SLC27A1: variants seen among roughly 807,000 people sequenced by gnomAD.
SLC27A1 encodes long-chain fatty acid transport protein 1.
Under a neutral mutation model 62.2 loss-of-function variants are expected in SLC27A1, and 61 were observed. The observed-to-expected ratio is 0.98, with a 90% CI of 0.80 to 1.21. The LOEUF (loss-of-function observed/expected upper bound fraction) is 1.21, where lower values mean the gene tolerates loss of function less well. Ranked by LOEUF, SLC27A1 falls within the 50% of genes most tolerant of loss-of-function variation. SLC27A1 has a pLI of 0.00. For missense variants in SLC27A1, 903 were observed against 932.1 expected (o/e 0.97, Z 0.41); for synonymous variants, 435 against 408.6 (o/e 1.06, Z -0.78).
rs2075461986 is a variant in SLC27A1 at position 17,504,920 on chromosome 19, T to A, written c.*308T>A. ...TCTTTCTTTTTTTTTTAAGATAGAG[T>A]CTCACTCTGCTGCCCGGGCTAGAGT... On this transcript the variant is annotated 3_prime_UTR_variant, in exon 12 of 12. Transcript: ENST00000252595. The A allele has an allele frequency of 2.0e-6, 1 of 503,790 alleles. No individual in the cohort carries two copies. Among genetic ancestry groups the A allele is most frequent in the Admixed American group, 2.3e-5 (1 of 43,250 alleles). 31.2% of individuals were successfully genotyped at this position (503,790 alleles called of 1,614,324 possible). A position where few individuals can be genotyped will look rare whatever the true frequency, so the allele number is the denominator to read the frequency against.
chr19:17,481,408 C>T (rs767336480), intron 1 of SLC27A1, among the ~76,000 whole-genome samples: 15 of 151,542 alleles, frequency 9.9e-5, no homozygotes, highest in Middle Eastern at 3.2e-3. Context: ...CCTCTGCCTC[C>T]TGGGTCCAAG....
intron 6 of SLC27A1, among the ~76,000 whole-genome samples, chr19:17,494,024 T>C (rs1255034050): frequency 1.3e-5 from 2 of 150,136 alleles, no homozygotes; most frequent in African/African-American, 4.9e-5. Context: ...CTGTTTCTTT[T>C]TTTTTTTTTT....
intron 6 of SLC27A1, chr19:17,492,442 G>A (rs1021992849): frequency 1.3e-5 from 2 of 152,018 alleles, no homozygotes. Context: ...AACATTGAGA[G>A]GCTTTTTAAG....
At chr19:17,487,358 G>A in intron 3 of SLC27A1, 23 bp downstream of exon 3, 1 of 1,592,090 alleles carries the variant, frequency 6.3e-7, no homozygotes, top group Non-Finnish European at 8.5e-7. Flanking sequence ...TGGGACCCCT[G>A]CTCTATCAAC....
intron 1 of SLC27A1, among the ~76,000 whole-genome samples, chr19:17,484,644 A>G (rs1017567877): frequency 2.7e-5 from 4 of 150,686 alleles, no homozygotes; most frequent in South Asian, 4.2e-4. Context: ...GGAAAGAGTG[A>G]GTGAAGTAGG....
chr19:17,502,073 G>T (rs2075420625), intron 11 of SLC27A1, among the ~76,000 whole-genome samples: 1 of 151,728 alleles, frequency 6.6e-6, no homozygotes, highest in Non-Finnish European at 1.5e-5. Context: ...CCGAGATCAG[G>T]CCACTGCACT....
In SLC27A1 at chr19:17,500,746, G is replaced by A. The variant is rs778978630; in HGVS notation, c.1506G>A (p.Met502Ile). The A allele has an allele frequency of 6.2e-7, 1 of 1,614,018 alleles. No individual in the cohort carries two copies. Among genetic ancestry groups the A allele is most frequent in the South Asian group, 1.1e-5 (1 of 91,086 alleles). ...DVLVMDELGY[M>I]YFRDRSGDTF... ...TAGTGATGGATGAGCTGGGCTACATGTACTTCCGGGACCGTAGCGGGGACA... is the reference window on the plus strand; with the variant it reads ...TAGTGATGGATGAGCTGGGCTACATATACTTCCGGGACCGTAGCGGGGACA... Residue 502 changes from methionine to isoleucine, a missense_variant, in exon 10 of 12, where the codon ATG becomes ATA. By Grantham distance (10) the Met-to-Ile change is conservative. Coordinates refer to ENST00000252595, the MANE Select transcript of SLC27A1 (RefSeq NM_198580.3).
Position 17,500,887 on chromosome 19 carries a change from G to T in SLC27A1, c.1636+11G>T, listed in dbSNP as rs1238407774. On this transcript the variant is annotated intron_variant, in intron 10 of 11. Coordinates refer to ENST00000252595, the MANE Select transcript of SLC27A1 (RefSeq NM_198580.3). ...GGGTGGCTGTTCCAGGCAAGCTGGG[G>T]TTGCAGGGGGTGGTCCTGAGGCATG... The T allele has an allele frequency of 6.3e-7, 1 of 1,599,964 alleles. No homozygotes were observed. The highest frequency in any genetic ancestry group is 8.5e-7 in the Non-Finnish European group (1 of 1,175,236).
At chr19:17,470,421 G>A (rs1165730214), upstream of SLC27A1, 35 of 1,214,608 alleles carry the variant, frequency 2.9e-5, no homozygotes, top group Admixed American at 2.0e-4. Flanking sequence ...CTCGCGGGGG[G>A]CGCAGAGCCG....
chr19:17,498,813 C>A, intron 7 of SLC27A1: 1 of 157,502 alleles, frequency 6.3e-6, no homozygotes, highest in Non-Finnish European at 1.4e-5. Flanking sequence ...GTCCACTGGA[C>A]AGGGGGCCCT....
intron 1 of SLC27A1, among the ~76,000 whole-genome samples, chr19:17,475,394 G>T (rs532787956): frequency 0.017 from 2,616 of 152,178 alleles, 75 homozygotes; most frequent in African/African-American, 0.061. Flanking sequence ...AAAATTAGCT[G>T]GGGGAGTGGG....
chr19:17,504,143 G>A (rs2075448524), intron 11 of SLC27A1, among the ~76,000 whole-genome samples: 1 of 152,104 alleles, frequency 6.6e-6, no homozygotes, highest in Non-Finnish European at 1.5e-5. Flanking sequence ...CCCACAGGAT[G>A]TAAGTTGCTA....
Position 17,487,273 on chromosome 19 carries a change from A to G in SLC27A1, c.662A>G (p.Asp221Gly). The G allele has an allele frequency of 6.2e-7, 1 of 1,613,800 alleles. No individual in the cohort carries two copies. The highest frequency in any genetic ancestry group is 1.7e-5 in the Admixed American group (1 of 59,968). Reference protein sequence around the residue: ...EGILPDTHLLDPLLKEASTAP... With the variant: ...EGILPDTHLLGPLLKEASTAP... ...ATCTTGCCGGACACCCACCTCCTGGACCCGCTGCTGAAGGAGGCCTCTACT... is the reference window on the plus strand; with the variant it reads ...ATCTTGCCGGACACCCACCTCCTGGGCCCGCTGCTGAAGGAGGCCTCTACT... The change falls in exon 3 of 12, where the codon GAC (aspartate) becomes GGC (glycine). Residue 221 changes from aspartate (D) to glycine (G), a missense_variant. Transcript: ENST00000252595.
intron 1 of SLC27A1, among the ~76,000 whole-genome samples, chr19:17,470,977 G>A (rs1404143304): frequency 6.7e-6 from 1 of 149,690 alleles, no homozygotes; most frequent in East Asian, 2.0e-4. Flanking sequence ...GTTGCAGGCT[G>A]CTTAGGAGAT....
intron 6 of SLC27A1, among the ~76,000 whole-genome samples, chr19:17,490,778 T>C (rs1236104075): frequency 6.6e-6 from 1 of 152,062 alleles, no homozygotes; most frequent in Non-Finnish European, 1.5e-5. Context: ...CTGTAATCCC[T>C]GTACTTCGGG....
chr19:17,491,789 G>C (rs2075296264), intron 6 of SLC27A1, among the ~76,000 whole-genome samples: 1 of 151,998 alleles, frequency 6.6e-6, no homozygotes, highest in Non-Finnish European at 1.5e-5. Flanking sequence ...TGGGAGGATT[G>C]CTTGAGCCCA....
chr19:17,492,122 T>A (rs2075300000), intron 6 of SLC27A1, among the ~76,000 whole-genome samples: 1 of 152,140 alleles, frequency 6.6e-6, no homozygotes, highest in Non-Finnish European at 1.5e-5. Flanking sequence ...AGCAGTCCCC[T>A]TCCCCCAAGT....
intron 1 of SLC27A1, among the ~76,000 whole-genome samples, chr19:17,479,523 T>C (rs1449405928): frequency 6.6e-6 from 1 of 152,236 alleles, no homozygotes; most frequent in African/African-American, 2.4e-5. Flanking sequence ...TCTGATCTTC[T>C]GCACTTTGGA....
rs771789405 is a variant in SLC27A1, at chr19:17,470,683, G to C, written c.143G>C (p.Cys48Ser). 1.3e-6 allele frequency: 2 copies of C among 1,582,646 alleles called. No homozygotes were observed. The highest frequency in any genetic ancestry group is 1.8e-5 in the Admixed American group (1 of 56,830). ...GGCTGGCGCTTCCTGCGCATCGTCT[G>C]CAAGACCGCGAGGCGAGACCTCTTG... ...SGGWRFLRIVCKTARRDLFGL... is the reference protein window; with the variant it reads ...SGGWRFLRIVSKTARRDLFGL... The change falls in exon 1 of 12, where the codon TGC becomes TCC. Residue 48 changes from cysteine (C) to serine (S), a missense_variant. Coordinates refer to ENST00000252595, the MANE Select transcript of SLC27A1 (RefSeq NM_198580.3).
Sources: allele counts gnomAD v4.1 joint callset (sites outside exome capture counted in the v4.1 genomes callset), GRCh38; gene constraint gnomAD v4.1.1; transcripts MANE v1.5; gene names NCBI Gene and HGNC (gene_info 2026-07-23, HGNC 2026-07-21).